The following TNNI3K variants were observed in gnomAD, a reference collection of about 807,000 sequenced individuals.
TNNI3K encodes the protein TNNI3 interacting kinase, also known as serine/threonine-protein kinase TNNI3K.
TNNI3K carries 140 observed loss-of-function variants against 114.5 expected under a neutral mutation model. The ratio of observed to expected loss-of-function variants is 1.22; its 90% confidence interval spans 1.07 to 1.41. The LOEUF is 1.41. Ranked by LOEUF, TNNI3K falls within the 40% of genes most tolerant of loss-of-function variation. The pLI is 0.00. For missense variants in TNNI3K, 1,125 were observed against 1,007.6 expected (o/e 1.12, Z -1.58); for synonymous variants, 347 against 347.5 (o/e 1.00, Z 0.02).
At chr1:74,276,710 G>A (rs1570406979) in intron 5 of TNNI3K, among the ~76,000 whole-genome samples, 1 of 152,158 alleles carries the variant, frequency 6.6e-6, no homozygotes, top group East Asian at 1.9e-4. Flanking sequence ...AGTCTGACAG[G>A]ACTCTTTGTC....
chr1:74,421,357 A>T (rs1285311066), intron 17 of TNNI3K, among the ~76,000 whole-genome samples: 1 of 152,166 alleles, frequency 6.6e-6, no homozygotes, highest in Non-Finnish European at 1.5e-5. Context: ...ATGAATGATT[A>T]CATTTGTATA....
intron 2 of TNNI3K, among the ~76,000 whole-genome samples, chr1:74,245,871 G>A (rs1036126369): frequency 6.6e-6 from 1 of 152,094 alleles, no homozygotes; most frequent in Non-Finnish European, 1.5e-5. Context: ...TGCTTTCTGT[G>A]TTCCCCTGCA....
Position 74,262,972 on chromosome 1 carries a change from C to T in TNNI3K, c.334-8626C>T, listed in dbSNP as rs147352216. Among the ~76,000 whole-genome samples, 109 of 152,136 alleles carry T rather than the reference C, an allele frequency of 7.2e-4. 3 individuals carry two copies. The East Asian group carries it at 0.02, about 28-fold the overall frequency. ...TTATTACTTAGTTAAATCTTTATAT[C>T]TTCCTCTATATTAGCGGTCACAATC... is the stretch of plus-strand genomic sequence containing the variant. On this transcript the variant is annotated intron_variant, in intron 4 of 24. Transcript: ENST00000326637.
In TNNI3K at chr1:74,330,754, A is replaced by T. The variant is rs74417541; in HGVS notation, c.445-696A>T. 6.3e-3 allele frequency among the ~76,000 whole-genome samples: 963 copies of T among 152,266 alleles called. 11 individuals carry two copies. The highest frequency in any genetic ancestry group is 0.022 in the African/African-American group (922 of 41,568). ...TACAAATACCAATCTATGGCTTTCC[A>T]TGATGACAATTGGCCAACAGTTCCT... On this transcript the variant is annotated intron_variant, in intron 5 of 24. Coordinates refer to ENST00000326637, the MANE Select transcript of TNNI3K (RefSeq NM_015978.3).
intron 24 of TNNI3K, among the ~76,000 whole-genome samples, chr1:74,540,621 ACTC>A (rs1646715720): frequency 6.9e-6 from 1 of 144,060 alleles, no homozygotes; most frequent in Non-Finnish European, 1.5e-5. Context: ...AAAAAAAAAA[ACTC>A]CTTCCTCTCA....
At chr1:74,505,685 T>G (rs921846598) in intron 23 of TNNI3K, among the ~76,000 whole-genome samples, 8 of 152,208 alleles carry the variant, frequency 5.3e-5, no homozygotes, top group Admixed American at 3.3e-4. Context: ...AAAAACACAT[T>G]AAACCAGTTG....
At chr1:74,401,013 G>A (rs1315399756) in intron 17 of TNNI3K, among the ~76,000 whole-genome samples, 1 of 152,202 alleles carries the variant, frequency 6.6e-6, no homozygotes, top group Non-Finnish European at 1.5e-5. Flanking sequence ...ATATTGGAAA[G>A]TTTTAAAGTC....
chr1:74,256,494 A>G (rs1655319031), intron 4 of TNNI3K, among the ~76,000 whole-genome samples: 2 of 151,480 alleles, frequency 1.3e-5, no homozygotes, highest in Non-Finnish European at 1.5e-5. Flanking sequence ...TTGAATTGTG[A>G]GGGAACTTTA....
chr1:74,496,824 AG>A (rs1669351130), intron 23 of TNNI3K, among the ~76,000 whole-genome samples: 1 of 152,192 alleles, frequency 6.6e-6, no homozygotes, highest in Admixed American at 6.5e-5. Context: ...CTCCTCCCAC[AG>A]GGTATGAAAT....
At chr1:74,515,043 C>T (rs572918178) in intron 23 of TNNI3K, among the ~76,000 whole-genome samples, 1 of 152,050 alleles carries the variant, frequency 6.6e-6, no homozygotes, top group Non-Finnish European at 1.5e-5. Flanking sequence ...GGATCGTAGC[C>T]CTCACCAGAA....
chr1:74,365,686 C>T (rs1326824206), intron 11 of TNNI3K, among the ~76,000 whole-genome samples: 1 of 152,026 alleles, frequency 6.6e-6, no homozygotes. Context: ...CTATTAGGTG[C>T]TTCCCCTAGA....
At chr1:74,503,443 C>T (rs765557592) in intron 23 of TNNI3K, among the ~76,000 whole-genome samples, 5 of 152,022 alleles carry the variant, frequency 3.3e-5, no homozygotes, top group Admixed American at 1.3e-4. Flanking sequence ...AGTATCTAAC[C>T]CTCACTTCAG....
At chr1:74,429,697 G>A (rs540874210) in intron 17 of TNNI3K, among the ~76,000 whole-genome samples, 2 of 152,228 alleles carry the variant, frequency 1.3e-5, no homozygotes, top group Middle Eastern at 3.4e-3. Context: ...TTAGCATCAG[G>A]TTTGAATGAT....
chr1:74,523,894 A>T (rs1646467419), intron 23 of TNNI3K, among the ~76,000 whole-genome samples: 1 of 152,118 alleles, frequency 6.6e-6, no homozygotes, highest in Non-Finnish European at 1.5e-5. Context: ...CATCTACATT[A>T]AACATTTCTC....
At chr1:74,312,510 T>A (rs45518238) in intron 5 of TNNI3K, among the ~76,000 whole-genome samples, 2 of 152,382 alleles carry the variant, frequency 1.3e-5, no homozygotes, top group Non-Finnish European at 2.9e-5. Flanking sequence ...ATGACTGATC[T>A]TGCCTTTGCA....
chr1:74,521,529 T>TAC (rs1646432851), intron 23 of TNNI3K, among the ~76,000 whole-genome samples: 1 of 152,122 alleles, frequency 6.6e-6, no homozygotes, highest in East Asian at 1.9e-4. Flanking sequence ...TATATATATA[T>TAC]ACACCTATAT....
intron 5 of TNNI3K, among the ~76,000 whole-genome samples, chr1:74,297,480 C>A (rs1292210854): frequency 1.3e-5 from 2 of 151,172 alleles, no homozygotes; most frequent in Non-Finnish European, 2.9e-5. Context: ...GGGCTCTCAC[C>A]AGAACCTATC....
At chr1:74,265,937 A>G (rs970947703) in intron 4 of TNNI3K, among the ~76,000 whole-genome samples, 2 of 151,960 alleles carry the variant, frequency 1.3e-5, no homozygotes, top group African/African-American at 2.4e-5. Flanking sequence ...TAGTGATTAT[A>G]TGGTAGTACT....
chr1:74,249,470 C>T lies in TNNI3K; in HGVS notation c.161C>T (p.Ala54Val). 6.2e-7 allele frequency: 1 copy of T among 1,612,574 alleles called. No homozygotes were observed. Among genetic ancestry groups the T allele is most frequent in the East Asian group, 2.2e-5 (1 of 44,746 alleles). ...ELRNIFGSDE[A>V]FSKVNLNYRT... The stretch of plus-strand genomic sequence containing the variant: ...CATGTTTTTTTCAGCTCTGATGAAG[C>T]CTTCAGTAAAGTCAATTTAAATTAC... The change falls in exon 3 of 25, where the codon GCC becomes GTC. Residue 54 changes from alanine (A) to valine (V), a missense_variant. Coordinates refer to ENST00000326637, the MANE Select transcript of TNNI3K (RefSeq NM_015978.3).
Sources: allele counts gnomAD v4.1 joint callset (sites outside exome capture counted in the v4.1 genomes callset), GRCh38; gene constraint gnomAD v4.1.1; transcripts MANE v1.5; gene names NCBI Gene and HGNC (gene_info 2026-07-23, HGNC 2026-07-21).